The following FBXO28 variants were observed in gnomAD, a reference collection of about 807,000 sequenced individuals.
The protein encoded by FBXO28 is F-box protein 28, also known as F-box only protein 28.
Under a neutral mutation model 38.1 loss-of-function variants are expected in FBXO28, and 8 were observed. That is an observed-to-expected ratio of 0.21 (90% CI 0.12 to 0.38). The LOEUF (loss-of-function observed/expected upper bound fraction) is 0.38. FBXO28 is among the 10% of genes least tolerant of loss of function. The probability of loss-of-function intolerance (pLI) is 1.00; values close to 1 mark genes in which losing one functional copy is unlikely to be tolerated. For synonymous variants in FBXO28, 168 were observed against 173.8 expected (o/e 0.97, Z 0.26); for missense variants, 345 against 460.6 (o/e 0.75, Z 2.30).
intron 3 of FBXO28, among the ~76,000 whole-genome samples, chr1:224,146,629 G>T (rs1657512532): frequency 6.6e-6 from 1 of 151,708 alleles, no homozygotes; most frequent in Non-Finnish European, 1.5e-5. Context: ...TGCCTCCCTT[G>T]GCCTCTCAAA....
chr1:224,132,341 AGTC>A (rs1657069532), intron 2 of FBXO28, among the ~76,000 whole-genome samples: 1 of 152,214 alleles, frequency 6.6e-6, no homozygotes, highest in Non-Finnish European at 1.5e-5. Context: ...CAACATCATT[AGTC>A]GTCAGGGGAA....
intron 1 of FBXO28, among the ~76,000 whole-genome samples, chr1:224,127,802 G>A (rs1372072555): frequency 6.6e-6 from 1 of 152,170 alleles, no homozygotes; most frequent in African/African-American, 2.4e-5. Context: ...AGCTACTCGG[G>A]AGGCTGAGGC....
chr1:224,144,123 C>T (rs148290315), intron 3 of FBXO28, among the ~76,000 whole-genome samples: 161 of 143,830 alleles, frequency 1.1e-3, no homozygotes, highest in Admixed American at 8.0e-3. Context: ...CACTGTACTC[C>T]AGCCTGGGAA....
At chr1:224,122,496 TA>T (rs1656801343) in intron 1 of FBXO28, among the ~76,000 whole-genome samples, 1 of 152,232 alleles carries the variant, frequency 6.6e-6, no homozygotes, top group Non-Finnish European at 1.5e-5. Flanking sequence ...AAATGTTCTT[TA>T]TAGCTCTTTG....
rs1004059293 is a variant in FBXO28, at chr1:224,159,227, G to A, written c.*1481G>A. 1 of 152,370 alleles carries A rather than the reference G, an allele frequency of 6.6e-6. No individual in the cohort carries two copies. The highest frequency in any genetic ancestry group is 1.5e-5 in the Non-Finnish European group (1 of 67,980). The allele number at this position is 152,370 out of a possible 1,614,324, so 9.4% of individuals were successfully genotyped here. On this transcript the variant is annotated 3_prime_UTR_variant, in exon 5 of 5. Transcript: ENST00000366862. The stretch of plus-strand genomic sequence containing the variant: ...GAAAACTGTCCCTTTCCAGGTGGGA[G>A]CTTAACACCTGTATAAAACCTAAGG...
chr1:224,114,210 C>T lies in FBXO28; in HGVS notation c.81C>T (p.Gly27=), dbSNP rs1204848655. 3 of 1,549,644 alleles carry T rather than the reference C, an allele frequency of 1.9e-6. No homozygotes were observed. Among genetic ancestry groups the T allele is most frequent in the East Asian group, 2.4e-5 (1 of 41,048 alleles). ...ACGGCGGTTCCTCTTTGGCCTCCGG[C>T]TCTACCCAGCGACAGCCTCCACCGC... ...QGDGGSSLAS[G]STQRQPPPPA... is the part of the protein sequence containing the mutation. Residue 27 remains glycine (G), a synonymous_variant, in exon 1 of 5, where the codon GGC becomes GGT. Coordinates refer to ENST00000366862, the MANE Select transcript of FBXO28 (RefSeq NM_015176.4).
chr1:224,135,300 A>G (rs1297390505), intron 3 of FBXO28, among the ~76,000 whole-genome samples: 1 of 152,180 alleles, frequency 6.6e-6, no homozygotes, highest in African/African-American at 2.4e-5. Context: ...TTCATATAGC[A>G]TCATAGTTTT....
Position 224,159,535 on chromosome 1 carries a change from T to TC in FBXO28, c.*1791dup, listed in dbSNP as rs1657847754. ...AAGGTAATTTTAAAATAAAACAATTTCCAAAAAACATTTGTCAGCCAAGGT... is the reference window on the plus strand; with the variant it reads ...AAGGTAATTTTAAAATAAAACAATTTCCCAAAAAACATTTGTCAGCCAAGGT... On this transcript the variant is annotated 3_prime_UTR_variant, in exon 5 of 5. Transcript: ENST00000366862. The TC allele has an allele frequency of 6.6e-6, 1 of 152,592 alleles. No homozygotes were observed. The highest frequency in any genetic ancestry group is 2.1e-4 in the South Asian group (1 of 4,832). 9.5% of individuals were successfully genotyped at this position (152,592 alleles called of 1,614,324 possible). A position where few individuals can be genotyped will look rare whatever the true frequency, so the allele number is the denominator to read the frequency against.
chr1:224,128,233 A>G (rs1040872882), intron 1 of FBXO28, among the ~76,000 whole-genome samples: 5 of 53,778 alleles, frequency 9.3e-5, no homozygotes, highest in Non-Finnish European at 2.1e-4. Flanking sequence ...GTCTTTTTTT[A>G]TTATTATTAT....
chr1:224,141,362 T>C (rs919730845), intron 3 of FBXO28, among the ~76,000 whole-genome samples: 3 of 151,484 alleles, frequency 2.0e-5, no homozygotes, highest in Non-Finnish European at 4.4e-5. Context: ...TCCCAGCTAC[T>C]TGGGAGGCTG....
chr1:224,147,540 G>A (rs1657538664), intron 3 of FBXO28, among the ~76,000 whole-genome samples: 1 of 152,154 alleles, frequency 6.6e-6, no homozygotes, highest in African/African-American at 2.4e-5. Flanking sequence ...ATTAGGTAGT[G>A]TAGGTAATCT....
At position 224,160,888 on chromosome 1, in the gene FBXO28, A is replaced by G. The variant is rs1483386290; in HGVS notation, c.*3142A>G. On this transcript the variant is annotated 3_prime_UTR_variant, in exon 5 of 5. Coordinates refer to ENST00000366862, the MANE Select transcript of FBXO28 (RefSeq NM_015176.4). ...GGGTAAAACAGTATAAGTAATGCCT[A>G]AATTAATAAGCTAAAAGGTGTCACT... The G allele has an allele frequency of 6.6e-6, 1 of 152,220 alleles. No homozygotes were observed. The highest frequency in any genetic ancestry group is 1.5e-5 in the Non-Finnish European group (1 of 68,046). 9.4% of individuals were successfully genotyped at this position (152,220 alleles called of 1,614,324 possible).
Position 224,159,978 on chromosome 1 carries a change from C to T in FBXO28, c.*2232C>T, listed in dbSNP as rs1281672768. 2 of 152,152 alleles carry T rather than the reference C, an allele frequency of 1.3e-5. No individual in the cohort carries two copies. Among genetic ancestry groups the T allele is most frequent in the Non-Finnish European group, 2.9e-5 (2 of 68,022 alleles). The allele number at this position is 152,152 out of a possible 1,614,324, so 9.4% of individuals were successfully genotyped here. A position where few individuals can be genotyped will look rare whatever the true frequency, so the allele number is the denominator to read the frequency against. The stretch of plus-strand genomic sequence containing the variant: ...AAAATCCAAATTTCTATTGCATACA[C>T]TTATAATCATCTATTCATAAAGCTA... On this transcript the variant is annotated 3_prime_UTR_variant, in exon 5 of 5. Transcript: ENST00000366862.
chr1:224,116,777 A>G (rs992910358), intron 1 of FBXO28, among the ~76,000 whole-genome samples: 1 of 152,218 alleles, frequency 6.6e-6, no homozygotes, highest in Admixed American at 6.5e-5. Flanking sequence ...TGAAATTGCT[A>G]CAATAACATT....
chr1:224,126,861 A>G (rs971733899), intron 1 of FBXO28, among the ~76,000 whole-genome samples: 7 of 152,210 alleles, frequency 4.6e-5, no homozygotes, highest in Non-Finnish European at 1.0e-4. Context: ...ATAACAAAAC[A>G]TAGTTTTTAT....
intron 3 of FBXO28, among the ~76,000 whole-genome samples, chr1:224,144,454 C>A (rs111398610): frequency 6.6e-6 from 1 of 151,638 alleles, no homozygotes; most frequent in African/African-American, 2.4e-5. Flanking sequence ...GGGCGAAGAC[C>A]CTGTCTCAAA....
rs535700125 is a variant in FBXO28 at position 224,161,197 on chromosome 1, G to A, written c.*3451G>A. The A allele has an allele frequency of 1.3e-5, 2 of 152,154 alleles. No individual in the cohort carries two copies. Among genetic ancestry groups the A allele is most frequent in the African/African-American group, 4.8e-5 (2 of 41,508 alleles). 9.4% of individuals were successfully genotyped at this position (152,154 alleles called of 1,614,324 possible). On this transcript the variant is annotated 3_prime_UTR_variant, in exon 5 of 5. Transcript: ENST00000366862. The stretch of plus-strand genomic sequence containing the variant: ...TTTCCTTAGCCATAATATTTTCTAG[G>A]ATCCGGGAACTCCCTATATTGTCTA...
chr1:224,122,678 T>C (rs994055234), intron 1 of FBXO28, among the ~76,000 whole-genome samples: 5 of 152,306 alleles, frequency 3.3e-5, no homozygotes, highest in Admixed American at 3.3e-4. Flanking sequence ...AGATGGCTTG[T>C]AATGGTTCTG....
intron 4 of FBXO28, among the ~76,000 whole-genome samples, chr1:224,153,572 G>A (rs554448944): frequency 5.9e-5 from 9 of 152,092 alleles, no homozygotes; most frequent in Admixed American, 1.3e-4. Context: ...GCGGTCTTGC[G>A]ACTAAATCTT....
Sources: gnomAD v4.1 joint callset for allele counts (sites outside exome capture counted in the v4.1 genomes callset) on GRCh38, gnomAD v4.1.1 for gene constraint, MANE v1.5 for transcripts, NCBI Gene and HGNC (gene_info 2026-07-23, HGNC 2026-07-21) for gene names.